The following SYT15B variants were observed in gnomAD, a reference collection of about 807,000 sequenced individuals.
SYT15B encodes synaptotagmin-15.
the SYT15B span, among the ~76,000 whole-genome samples, chr10:47,746,883 C>T: frequency 9.0e-6 from 1 of 111,038 alleles, no homozygotes; most frequent in Non-Finnish European, 1.9e-5. Flanking sequence ...TGTTTAATCC[C>T]ATTCCCTGTA....
the SYT15B span, among the ~76,000 whole-genome samples, chr10:47,761,102 G>GCACACACACACACACACACA: frequency 6.9e-6 from 1 of 145,492 alleles, no homozygotes; most frequent in East Asian, 2.1e-4. Flanking sequence ...ACACACACAC[G>GCACACACACACACACACACA]CACACACACA....
chr10:47,759,862 T>C, the SYT15B span: 4 of 1,606,826 alleles, frequency 2.5e-6, no homozygotes, highest in Admixed American at 6.7e-5. Context: ...GGGAAGTCGG[T>C]CTCACTTTTG....
the SYT15B span, among the ~76,000 whole-genome samples, chr10:47,754,964 T>TTTTC: frequency 2.8e-3 from 4 of 1,450 alleles, no homozygotes; most frequent in Admixed American, 0.013. Flanking sequence ...TTTTCTTTTC[T>TTTTC]TTTTTTTTTT....
chr10:47,756,948 G>A, the SYT15B span, among the ~76,000 whole-genome samples: 1 of 138,894 alleles, frequency 7.2e-6, no homozygotes, highest in Admixed American at 7.2e-5. Flanking sequence ...GGAAACAGGA[G>A]GGGCAGGGCC....
At chr10:47,755,244 C>T in the SYT15B span, among the ~76,000 whole-genome samples, 5 of 151,160 alleles carry the variant, frequency 3.3e-5, no homozygotes, top group South Asian at 2.1e-4. Context: ...CGTGAGCCAC[C>T]GCACCCAGCC....
the SYT15B span, among the ~76,000 whole-genome samples, chr10:47,749,735 C>G: frequency 6.7e-6 from 1 of 148,890 alleles, no homozygotes. Flanking sequence ...AAAATAAAAA[C>G]AAAAATGGGT....
At chr10:47,760,910 C>G in the SYT15B span, 1 of 1,497,188 alleles carries the variant, frequency 6.7e-7, no homozygotes, top group African/African-American at 1.4e-5. Flanking sequence ...GGGGGCACCA[C>G]GAATGGCACA....
chr10:47,747,163 C>T, the SYT15B span, among the ~76,000 whole-genome samples: 14 of 151,164 alleles, frequency 9.3e-5, no homozygotes, highest in Middle Eastern at 3.4e-3. Context: ...GCTAAGAGGC[C>T]GAGCATTTGG....
the SYT15B span, among the ~76,000 whole-genome samples, chr10:47,746,888 C>A: frequency 1.1e-4 from 12 of 112,142 alleles, no homozygotes; most frequent in Admixed American, 3.9e-4. Flanking sequence ...AATCCCATTC[C>A]CTGTATAAAA....
At chr10:47,755,287 G>A in the SYT15B span, among the ~76,000 whole-genome samples, 8 of 148,412 alleles carry the variant, frequency 5.4e-5, no homozygotes, top group African/African-American at 1.2e-4. Context: ...ACGAAGTCTC[G>A]CTCTGTTGCC....
the SYT15B span, among the ~76,000 whole-genome samples, chr10:47,747,299 C>T: frequency 6.6e-6 from 1 of 152,026 alleles, no homozygotes; most frequent in Admixed American, 6.5e-5. Flanking sequence ...AGAAGGGAGA[C>T]ACAGAAAAGG....
At chr10:47,748,616 T>C in the SYT15B span, among the ~76,000 whole-genome samples, 1 of 152,206 alleles carries the variant, frequency 6.6e-6, no homozygotes, top group South Asian at 2.1e-4. Context: ...TCTTTTTTCT[T>C]TTCCCCTCCC....
At chr10:47,755,650 A>T in the SYT15B span, among the ~76,000 whole-genome samples, 1 of 138,932 alleles carries the variant, frequency 7.2e-6, no homozygotes, top group Non-Finnish European at 1.5e-5. Flanking sequence ...AGCTGGGATT[A>T]CAGGGGTGTG....
At chr10:47,761,085 AAC>A in the SYT15B span, among the ~76,000 whole-genome samples, 7 of 120,724 alleles carry the variant, frequency 5.8e-5, no homozygotes, top group African/African-American at 2.1e-4. Flanking sequence ...CATACCAGGC[AAC>A]ACACACACAC....
chr10:47,748,211 TTTA>T, the SYT15B span, among the ~76,000 whole-genome samples: 1 of 149,566 alleles, frequency 6.7e-6, no homozygotes, highest in African/African-American at 2.5e-5. Flanking sequence ...ATACTTTTTT[TTTA>T]TTATTATTTT....
the SYT15B span, among the ~76,000 whole-genome samples, chr10:47,755,348 C>G: frequency 6.6e-6 from 1 of 152,162 alleles, no homozygotes; most frequent in Admixed American, 6.5e-5. Flanking sequence ...CTCCGCCTCC[C>G]AGGCTCATGC....
chr10:47,762,115 G>GA, the SYT15B span, among the ~76,000 whole-genome samples: 1 of 140,114 alleles, frequency 7.1e-6, no homozygotes, highest in African/African-American at 2.6e-5. Flanking sequence ...TGGGGCCCTG[G>GA]AACCTGCTGC....
At chr10:47,753,115 T>C in the SYT15B span, 1 of 978,788 alleles carries the variant, frequency 1.0e-6, no homozygotes, top group Non-Finnish European at 1.2e-6. Flanking sequence ...TCTCAAAAAA[T>C]TAAAATAAAA....
the SYT15B span, chr10:47,762,687 TG>T: frequency 1.1e-6 from 1 of 900,508 alleles, no homozygotes; most frequent in Non-Finnish European, 1.4e-6. Context: ...CGGCTGGGGC[TG>T]GGCTGCCAGG....
Sources: allele counts gnomAD v4.1 joint callset (sites outside exome capture counted in the v4.1 genomes callset), GRCh38; gene constraint gnomAD v4.1.1; transcripts MANE v1.5; gene names NCBI Gene and HGNC (gene_info 2026-07-23, HGNC 2026-07-21).